Variants in SPATA33 observed in about 807,000 individuals in gnomAD.
SPATA33 encodes spermatogenesis associated 33.
A neutral mutation model predicts 8.9 loss-of-function variants in SPATA33; 10 were observed. That is an observed-to-expected ratio of 1.12 (90% CI 0.69 to 1.90). SPATA33 has a LOEUF of 1.90. SPATA33 is among the 40% of genes most tolerant of loss of function. SPATA33 has a pLI of 0.00. For synonymous variants in SPATA33, 96 were observed against 72.8 expected (o/e 1.32, Z -1.63); for missense variants, 241 against 178.3 (o/e 1.35, Z -2.00).
intron 2 of SPATA33, 81 bp from the exon 3 acceptor site, chr16:89,669,205 C>G: frequency 7.5e-7 from 1 of 1,329,562 alleles, no homozygotes; most frequent in African/African-American, 1.4e-5. Flanking sequence ...TTCCTTTACT[C>G]TGACCAATGG....
chr16:89,663,077 C>T (rs1449120779), intron 2 of SPATA33, among the ~76,000 whole-genome samples: 2 of 152,010 alleles, frequency 1.3e-5, no homozygotes, highest in South Asian at 2.1e-4. Context: ...CAGGTGTGAG[C>T]CACCACGCCC....
chr16:89,661,187 C>T (rs164753), intron 2 of SPATA33: 801,042 of 985,144 alleles, frequency 0.81, 326,029 homozygotes, highest in Middle Eastern at 0.83. Flanking sequence ...AAGTTAATCA[C>T]TGTGGCAGCT....
intron 2 of SPATA33, chr16:89,661,185 C>CCTA: frequency 1.0e-6 from 1 of 985,422 alleles, no homozygotes; most frequent in Non-Finnish European, 1.2e-6. Context: ...ATAAGTTAAT[C>CCTA]ACTGTGGCAG....
rs565647854 is a variant in SPATA33 at position 89,664,630 on chromosome 16, G to A, written c.212-4656G>A. On this transcript the variant is annotated intron_variant, in intron 2 of 2. Transcript: ENST00000579310. The stretch of plus-strand genomic sequence containing the variant: ...GGCTCTTTAGGGCCCGACCTGATCA[G>A]GGAAGCCAGACAGTAAAAGTGTCAG... Among the ~76,000 whole-genome samples the A allele has an allele frequency of 3.3e-5, 5 of 150,186 alleles. No individual in the cohort carries two copies. The South Asian group carries it at 1.1e-3, about 32-fold the overall frequency.
At chr16:89,658,826 AT>A in intron 2 of SPATA33, 1 of 211,638 alleles carries the variant, frequency 4.7e-6, no homozygotes, top group Admixed American at 5.1e-5. Context: ...GGATAAGTAC[AT>A]TGCGGAGGGT....
At chr16:89,658,618 G>A (rs2059919806) in intron 2 of SPATA33, 197 bp downstream of exon 2, 2 of 740,130 alleles carry the variant, frequency 2.7e-6, no homozygotes, top group South Asian at 3.8e-5. Flanking sequence ...TAAGTTTAAT[G>A]AAAATGTAGG....
chr16:89,665,524 C>T (rs2060015339), intron 2 of SPATA33, among the ~76,000 whole-genome samples: 1 of 145,984 alleles, frequency 6.9e-6, no homozygotes, highest in Non-Finnish European at 1.5e-5. Context: ...CTATGTTAAC[C>T]AGAATGGTCT....
chr16:89,660,649 T>C, intron 2 of SPATA33: 3 of 932,856 alleles, frequency 3.2e-6, no homozygotes, highest in Non-Finnish European at 4.2e-6. Context: ...AGACCACTCA[T>C]GTTGCAGTTC....
rs567435293 is a variant in SPATA33, at chr16:89,666,383, G to A, written c.212-2903G>A. Among the ~76,000 whole-genome samples, 480 of 152,122 alleles carry A rather than the reference G, an allele frequency of 3.2e-3. 4 individuals carry two copies. The highest frequency in any genetic ancestry group is 0.011 in the African/African-American group (444 of 41,474). On this transcript the variant is annotated intron_variant, in intron 2 of 2. Coordinates refer to ENST00000579310, the MANE Select transcript of SPATA33 (RefSeq NM_001271907.2). ...TCTCTAAAAATGGAAGAAAATGGCC[G>A]GCACAGTGGTTCATGGCTGCTGTAA...
chr16:89,669,310 C>T lies in SPATA33; in HGVS notation c.236C>T (p.Ser79Phe), dbSNP rs1240405309. 2 of 1,614,186 alleles carry T rather than the reference C, an allele frequency of 1.2e-6. No individual in the cohort carries two copies. The highest frequency in any genetic ancestry group is 2.2e-5 in the South Asian group (2 of 91,078). Residue 79 changes from serine to phenylalanine, a missense_variant, in exon 3 of 3, where the codon TCC (serine) becomes TTC (phenylalanine). Physicochemically the swap from Ser to Phe is radical, Grantham distance 155. Coordinates refer to ENST00000579310, the MANE Select transcript of SPATA33 (RefSeq NM_001271907.2). ...GAGAAACCTGATGTAAAGCAAAAGT[C>T]CAGCAGGAAGAAAGTGGTCGTTCCA... Reference protein sequence around the residue: ...LEEKPDVKQKSSRKKVVVPQI... With the variant: ...LEEKPDVKQKFSRKKVVVPQI...
intron 2 of SPATA33, among the ~76,000 whole-genome samples, chr16:89,662,284 A>G (rs866146989): frequency 2.3e-5 from 3 of 127,712 alleles, no homozygotes; most frequent in Non-Finnish European, 5.0e-5. Context: ...ATGGAGTGAG[A>G]CTCCATCTCA....
chr16:89,669,053 C>G (rs892137384), intron 2 of SPATA33, among the ~76,000 whole-genome samples: 19 of 152,166 alleles, frequency 1.2e-4, no homozygotes, highest in African/African-American at 4.1e-4. Flanking sequence ...AAGTGTTTCT[C>G]CTGTTTTCTT....
intron 2 of SPATA33, among the ~76,000 whole-genome samples, chr16:89,664,516 G>A (rs960146632): frequency 1.3e-5 from 2 of 152,126 alleles, no homozygotes; most frequent in East Asian, 1.9e-4. Flanking sequence ...GGATGGGCCC[G>A]ACCTGATCAG....
intron 2 of SPATA33, among the ~76,000 whole-genome samples, chr16:89,664,057 T>C (rs1191091342): frequency 6.6e-6 from 1 of 152,148 alleles, no homozygotes; most frequent in Non-Finnish European, 1.5e-5. Context: ...AGGTTGGGGC[T>C]GCAGTGAGCC....
rs2059957019 is a variant in SPATA33 at position 89,660,826 on chromosome 16, TC to T, written c.211+2407del. On this transcript the variant is annotated intron_variant, in intron 2 of 2. Coordinates refer to ENST00000579310, the MANE Select transcript of SPATA33 (RefSeq NM_001271907.2). ...CATGGGAAGCACTGCAGTTTAGTAG[TC>T]CTGGTCCCTAAGCCCTTCCAGCCCA... The T allele has an allele frequency of 2.6e-6, 3 of 1,143,936 alleles. No homozygotes were observed. The East Asian group carries it at 1.1e-4, about 42-fold the overall frequency. The allele number at this position is 1,143,936 out of a possible 1,614,324, so 70.9% of individuals were successfully genotyped here.
At position 89,669,421 on chromosome 16, in the gene SPATA33, C is replaced by T. The variant is rs151036541; in HGVS notation, c.347C>T (p.Pro116Leu). ...GSDQQRTIRE[P>L]EDWGPYRRHR... is the part of the protein sequence containing the mutation. Reference sequence around the variant, plus strand: ...GACCAGCAGAGAACCATTCGGGAGCCGGAGGACTGGGGCCCCTACCGGCGG... The same window carrying T: ...GACCAGCAGAGAACCATTCGGGAGCTGGAGGACTGGGGCCCCTACCGGCGG... The change falls in exon 3 of 3, where the codon CCG (proline) becomes CTG (leucine). Residue 116 changes from proline (P) to leucine (L), a missense_variant. By Grantham distance (98) the Pro-to-Leu change is moderately conservative. Coordinates refer to ENST00000579310, the MANE Select transcript of SPATA33 (RefSeq NM_001271907.2). The T allele has an allele frequency of 1.9e-5, 31 of 1,613,950 alleles. No individual in the cohort carries two copies. The highest frequency in any genetic ancestry group is 2.2e-5 in the East Asian group (1 of 44,904).
intron 2 of SPATA33, 125 bp from the exon 3 acceptor site, chr16:89,669,161 C>T (rs2055606426): frequency 2.4e-6 from 2 of 830,762 alleles, no homozygotes; most frequent in African/African-American, 1.7e-5. Context: ...CACTTTTGGA[C>T]TCACCCATTT....
rs965229197 is a variant in SPATA33 at position 89,668,781 on chromosome 16, G to A, written c.212-505G>A. ...TTTTGCTTTGTACGTGGCAACGCTCGGCAGGCTCAGCAGTTTCACAGGTCT... is the reference window on the plus strand; with the variant it reads ...TTTTGCTTTGTACGTGGCAACGCTCAGCAGGCTCAGCAGTTTCACAGGTCT... On this transcript the variant is annotated intron_variant, in intron 2 of 2. Coordinates refer to ENST00000579310, the MANE Select transcript of SPATA33 (RefSeq NM_001271907.2). Among the ~76,000 whole-genome samples the A allele has an allele frequency of 7.9e-5, 12 of 152,242 alleles. 1 individual carries two copies. Among genetic ancestry groups the A allele is most frequent in the Admixed American group, 2.6e-4 (4 of 15,284 alleles).
chr16:89,658,583 T>C (rs1397014604), intron 2 of SPATA33, 162 bp downstream of exon 2: 2 of 877,154 alleles, frequency 2.3e-6, no homozygotes, highest in Non-Finnish European at 3.4e-6. Flanking sequence ...AGGAGGTAAA[T>C]ATCCAGAAAT....
Sources: allele counts gnomAD v4.1 joint callset (sites outside exome capture counted in the v4.1 genomes callset), GRCh38; gene constraint gnomAD v4.1.1; transcripts MANE v1.5; gene names NCBI Gene and HGNC (gene_info 2026-07-23, HGNC 2026-07-21).